The following TREML4 variants were observed in gnomAD, a reference collection of about 807,000 sequenced individuals.
TREML4 encodes triggering receptor expressed on myeloid cells like 4.
In TREML4, 25 loss-of-function variants were observed where a neutral mutation model predicts 25.4. That is an observed-to-expected ratio of 0.98 (90% CI 0.72 to 1.37). The LOEUF (loss-of-function observed/expected upper bound fraction) is 1.37, where lower values mean the gene tolerates loss of function less well. TREML4 is among the 40% of genes most tolerant of loss of function. The pLI is 0.00. For missense variants in TREML4, 268 were observed against 236.5 expected, an observed-to-expected ratio of 1.13 and a Z score of -0.87; for synonymous variants, 92 against 87.9, an observed-to-expected ratio of 1.05 and a Z score of -0.26.
chr6:41,231,315 G>T (rs1055298944), intron 4 of TREML4, among the ~76,000 whole-genome samples: 2 of 152,094 alleles, frequency 1.3e-5, no homozygotes, highest in African/African-American at 4.8e-5. Context: ...TTGCTTTAGG[G>T]CTTTTTCCTC....
chr6:41,231,793 G>T (rs1766805131), intron 4 of TREML4, among the ~76,000 whole-genome samples: 1 of 152,136 alleles, frequency 6.6e-6, no homozygotes, highest in Non-Finnish European at 1.5e-5. Flanking sequence ...GAGAAGAGTA[G>T]GTGTACTAAT....
At chr6:41,235,473 G>A (rs946216568) in intron 4 of TREML4, among the ~76,000 whole-genome samples, 1 of 152,154 alleles carries the variant, frequency 6.6e-6, no homozygotes, top group African/African-American at 2.4e-5. Flanking sequence ...AGAGAGTTTA[G>A]CAAGGCTGCC....
chr6:41,228,809 C>T lies in TREML4; in HGVS notation c.159C>T (p.Ser53=), dbSNP rs1766728787. 3.7e-6 allele frequency: 6 copies of T among 1,614,036 alleles called. No homozygotes were observed. Among genetic ancestry groups the T allele is most frequent in the Non-Finnish European group, 5.1e-6 (6 of 1,180,026 alleles). ...AGAGAGGGCCCTATCAGCCCAAATC[C>T]TGGTGTCAGCAGACATCTCCAAGTC... The part of the protein sequence containing the change: ...SPKRGPYQPK[S]WCQQTSPSRC... Residue 53 remains serine, a synonymous_variant, in exon 2 of 6, where the codon TCC becomes TCT. Transcript: ENST00000341495.
Position 41,238,859 on chromosome 6 carries a change from A to G in TREML4, c.*1840A>G, listed in dbSNP as rs536386229. The stretch of plus-strand genomic sequence containing the variant: ...CTTTTGTGTATGCTTGGAAATTTTC[A>G]TAATTAAAATGGTACCTAAAATTAA... On this transcript the variant is annotated 3_prime_UTR_variant, in exon 6 of 6. Coordinates refer to ENST00000341495, the MANE Select transcript of TREML4 (RefSeq NM_198153.3). 20 of 152,316 alleles carry G rather than the reference A, an allele frequency of 1.3e-4. No individual in the cohort carries two copies. The highest frequency in any genetic ancestry group is 4.1e-4 in the African/African-American group (17 of 41,564). 9.4% of individuals were successfully genotyped at this position (152,316 alleles called of 1,614,324 possible). A position where few individuals can be genotyped will look rare whatever the true frequency, so the allele number is the denominator to read the frequency against.
chr6:41,231,133 T>A (rs1350897067), intron 4 of TREML4: 2 of 438,404 alleles, frequency 4.6e-6, no homozygotes, highest in Non-Finnish European at 9.3e-6. Flanking sequence ...TTCTACATTA[T>A]GTTGAGTTGT....
chr6:41,231,020 C>T (rs2803500), intron 4 of TREML4: 35,458 of 334,538 alleles, frequency 0.11, 2,308 homozygotes, highest in African/African-American at 0.21. Context: ...CTAGGTTGCA[C>T]GCTCCTTATG....
chr6:41,232,819 G>A lies in TREML4; in HGVS notation c.506+2697G>A, dbSNP rs149677731. Among the ~76,000 whole-genome samples the A allele has an allele frequency of 1.7e-3, 257 of 152,276 alleles. 1 individual carries two copies. Among genetic ancestry groups the A allele is most frequent in the Non-Finnish European group, 2.8e-3 (189 of 68,022 alleles). On this transcript the variant is annotated intron_variant, in intron 4 of 5. Transcript: ENST00000341495. ...AGCCACCACTGATCTAACAGGAAGCGAAGCTCAGGCAGTGATGGGTGCGAT... is the reference window on the plus strand; with the variant it reads ...AGCCACCACTGATCTAACAGGAAGCAAAGCTCAGGCAGTGATGGGTGCGAT...
chr6:41,228,541 G>A (rs1343605865), intron 1 of TREML4, 51 bp downstream of exon 1: 6 of 1,581,114 alleles, frequency 3.8e-6, no homozygotes, highest in Non-Finnish European at 5.2e-6. Flanking sequence ...GATGAAGAAT[G>A]AGTGGGGCAG....
chr6:41,228,752 G>A lies in TREML4; in HGVS notation c.102G>A (p.Gln34=). ...VPEELHKHPG[Q]TLLLQCQYSP... ...AAGAACTTCACAAACACCCAGGACA[G>A]ACCCTCCTCCTGCAATGCCAGTACT... Residue 34 remains glutamine (Q), a synonymous_variant, in exon 2 of 6, where the codon CAG becomes CAA. Transcript: ENST00000341495. 6.2e-7 allele frequency: 1 copy of A among 1,614,060 alleles called. No homozygotes were observed. Among genetic ancestry groups the A allele is most frequent in the Non-Finnish European group, 8.5e-7 (1 of 1,180,002 alleles).
At position 41,230,057 on chromosome 6, in the gene TREML4, T is replaced by G. The variant is rs113491306; in HGVS notation, c.446-5T>G. The stretch of plus-strand genomic sequence containing the variant: ...CAGCCACTGTCTTCTTTGTGTCCTC[T>G]TTAGTTCTGATCACTTCTCCAGAGG... On this transcript the variant is annotated splice_polypyrimidine_tract_variant and splice_region_variant and intron_variant, in intron 3 of 5. Transcript: ENST00000341495. 3.1e-6 allele frequency: 5 copies of G among 1,609,712 alleles called. No homozygotes were observed. The highest frequency in any genetic ancestry group is 4.3e-6 in the Non-Finnish European group (5 of 1,175,946).
At position 41,229,005 on chromosome 6, in the gene TREML4, A is replaced by G; in HGVS notation, c.355A>G (p.Ile119Val). The G allele has an allele frequency of 1.2e-6, 2 of 1,614,118 alleles. No individual in the cohort carries two copies. Among genetic ancestry groups the G allele is most frequent in the Non-Finnish European group, 1.7e-6 (2 of 1,179,992 alleles). Residue 119 changes from isoleucine (I) to valine (V), a missense_variant, in exon 2 of 6, where the codon ATC (isoleucine) becomes GTC (valine). Transcript: ENST00000341495. ...CGIYNASENI[I>V]TVLRNISLVV... Reference sequence around the variant, plus strand: ...AATCTACAACGCTTCCGAAAACATCATCACTGTTCTTAGAAATATCAGCCT... The same window carrying G: ...AATCTACAACGCTTCCGAAAACATCGTCACTGTTCTTAGAAATATCAGCCT...
At chr6:41,228,624 T>TC in intron 1 of TREML4, 90 bp from the exon 2 acceptor site, 2 of 1,505,782 alleles carry the variant, frequency 1.3e-6, no homozygotes, top group Non-Finnish European at 1.8e-6. Context: ...CAGAACTAGT[T>TC]CCCCCTCCCC....
At chr6:41,235,811 A>G (rs1766885327) in intron 4 of TREML4, among the ~76,000 whole-genome samples, 1 of 139,714 alleles carries the variant, frequency 7.2e-6, no homozygotes, top group Non-Finnish European at 1.5e-5. Context: ...AATTATATGA[A>G]AAAGGAAGAT....
rs779602195 is a variant in TREML4 at position 41,228,674 on chromosome 6, G to A, written c.64-40G>A. Reference sequence around the variant, plus strand: ...ATGGGGGAGGTTGGGTCCCTTCAGAGCTCTGACCTGGGTTTCTTTCTGCCG... The same window carrying A: ...ATGGGGGAGGTTGGGTCCCTTCAGAACTCTGACCTGGGTTTCTTTCTGCCG... On this transcript the variant is annotated intron_variant, in intron 1 of 5. Transcript: ENST00000341495. 4 of 1,586,678 alleles carry A rather than the reference G, an allele frequency of 2.5e-6. No homozygotes were observed. In the Admixed American group the frequency reaches 6.9e-5, roughly 27 times the overall value.
At chr6:41,235,002 C>T (rs1766869596) in intron 4 of TREML4, among the ~76,000 whole-genome samples, 1 of 151,898 alleles carries the variant, frequency 6.6e-6, no homozygotes, top group Non-Finnish European at 1.5e-5. Flanking sequence ...TTCAAGAGTG[C>T]ATTGAAAAGA....
chr6:41,228,936 A>G lies in TREML4; in HGVS notation c.286A>G (p.Met96Val), dbSNP rs199558800. Residue 96 changes from methionine (M) to valine (V), a missense_variant, in exon 2 of 6, where the codon ATG becomes GTG. Physicochemically the swap from Met to Val is conservative, Grantham distance 21. Transcript: ENST00000341495. ...CAATGCTGGCTTCTTCAACATCACC[A>G]TGATTCAGCTGACACAGAATGACTC... Reference protein sequence around the residue: ...KPNAGFFNITMIQLTQNDSGF... With the variant: ...KPNAGFFNITVIQLTQNDSGF... 2.3e-4 allele frequency: 369 copies of G among 1,613,926 alleles called. 3 individuals carry two copies. In the Admixed American group the frequency reaches 6.1e-3, roughly 27 times the overall value.
chr6:41,233,812 G>A (rs1006434043), intron 4 of TREML4, among the ~76,000 whole-genome samples: 3 of 150,618 alleles, frequency 2.0e-5, no homozygotes, highest in African/African-American at 7.3e-5. Context: ...AATAATATAG[G>A]ATACATATAA....
At chr6:41,229,489 G>T in intron 2 of TREML4, 32 bp from the exon 3 acceptor site, 1 of 1,613,176 alleles carries the variant, frequency 6.2e-7, no homozygotes, top group South Asian at 1.1e-5. Context: ...TGGGCCCCTG[G>T]AGAGTCATTG....
At chr6:41,230,030 G>C in intron 3 of TREML4, 32 bp from the exon 4 acceptor site, 4 of 1,573,208 alleles carry the variant, frequency 2.5e-6, no homozygotes, top group Non-Finnish European at 3.5e-6. Flanking sequence ...TGGTGCCCTG[G>C]GCAGCCACTG....
Sources: allele counts gnomAD v4.1 joint callset (sites outside exome capture counted in the v4.1 genomes callset), GRCh38; gene constraint gnomAD v4.1.1; transcripts MANE v1.5; gene names NCBI Gene and HGNC (gene_info 2026-07-23, HGNC 2026-07-21).